Variants in CTNNA3 observed in about 807,000 individuals in gnomAD.
CTNNA3 encodes the protein catenin alpha-3.
Under a neutral mutation model 95.7 loss-of-function variants are expected in CTNNA3, and 76 were observed. The observed-to-expected ratio is 0.79, with a 90% CI of 0.66 to 0.96. The LOEUF (loss-of-function observed/expected upper bound fraction) is 0.96, where lower values mean the gene tolerates loss of function less well. Ranked by LOEUF, CTNNA3 falls within the 40% of genes least tolerant of loss-of-function variation. The probability of loss-of-function intolerance (pLI) is 0.00; values close to 1 mark genes in which losing one functional copy is unlikely to be tolerated. For synonymous variants in CTNNA3, 431 were observed against 374.4 expected (o/e 1.15, Z -1.74); for missense variants, 1,191 against 1,089.8 (o/e 1.09, Z -1.31).
At chr10:66,246,171 G>A (rs749297718) in intron 13 of CTNNA3, among the ~76,000 whole-genome samples, 13 of 152,220 alleles carry the variant, frequency 8.5e-5, no homozygotes, top group Non-Finnish European at 1.5e-4. Flanking sequence ...CAAGATCAGA[G>A]TGGGCACCAC....
chr10:67,183,892 C>T (rs1862706171), intron 6 of CTNNA3, among the ~76,000 whole-genome samples: 1 of 152,028 alleles, frequency 6.6e-6, no homozygotes, highest in African/African-American at 2.4e-5. Context: ...TCAACTATGT[C>T]AATGCAGTCT....
chr10:65,920,394 G>A lies in CTNNA3; in HGVS notation c.2624C>T (p.Ser875Leu). Residue 875 changes from serine to leucine, a missense_variant, in exon 18 of 18, where the codon TCA becomes TTA. Ser to Leu is a moderately radical substitution (Grantham distance 145, BLOSUM62 -2). Coordinates refer to ENST00000433211, the MANE Select transcript of CTNNA3 (RefSeq NM_013266.4). ...CAATGGATGGATTTTTTTCTTTGCTGAGCCTCGTCTGACAGCTGCACACGT... is the reference window on the plus strand; with the variant it reads ...CAATGGATGGATTTTTTTCTTTGCTAAGCCTCGTCTGACAGCTGCACACGT... ...EETCAAVRRGSAKKKIHPLQV... is the reference protein window; with the variant it reads ...EETCAAVRRGLAKKKIHPLQV... The A allele has an allele frequency of 6.2e-7, 1 of 1,614,038 alleles. No individual in the cohort carries two copies.
chr10:67,679,316 A>C (rs1840585841), intron 1 of CTNNA3, among the ~76,000 whole-genome samples: 1 of 152,170 alleles, frequency 6.6e-6, no homozygotes, highest in Non-Finnish European at 1.5e-5. Context: ...TGACAGCCAA[A>C]AATGTCTCCA....
At chr10:66,847,654 C>A (rs910732078) in intron 7 of CTNNA3, among the ~76,000 whole-genome samples, 1 of 151,946 alleles carries the variant, frequency 6.6e-6, no homozygotes, top group African/African-American at 2.4e-5. Context: ...GGTCTAATAA[C>A]AAATATATTT....
intron 12 of CTNNA3, among the ~76,000 whole-genome samples, chr10:66,295,709 C>G (rs981578527): frequency 2.0e-5 from 3 of 152,144 alleles, no homozygotes; most frequent in African/African-American, 7.2e-5. Context: ...CTGTCAACTA[C>G]AAAATAGGCT....
chr10:67,688,731 C>A (rs1372595678), intron 1 of CTNNA3, among the ~76,000 whole-genome samples: 1 of 152,076 alleles, frequency 6.6e-6, no homozygotes, highest in Non-Finnish European at 1.5e-5. Context: ...AAGACAAAAC[C>A]ACCCTTGGTC....
At chr10:67,456,001 A>C (rs1847159918) in intron 5 of CTNNA3, among the ~76,000 whole-genome samples, 1 of 152,202 alleles carries the variant, frequency 6.6e-6, no homozygotes, top group Admixed American at 6.5e-5. Flanking sequence ...AAAGGTATAC[A>C]AGAACTCCTC....
intron 2 of CTNNA3, among the ~76,000 whole-genome samples, chr10:67,630,267 T>A (rs558294023): frequency 1.2e-4 from 19 of 152,268 alleles, no homozygotes; most frequent in Admixed American, 1.2e-3. Context: ...ATACCCAACA[T>A]CCACTTTGAC....
intron 9 of CTNNA3, among the ~76,000 whole-genome samples, chr10:66,694,628 TA>T (rs890175725): frequency 1.4e-4 from 21 of 152,106 alleles, no homozygotes; most frequent in Admixed American, 7.2e-4. Context: ...TTCTAACTTT[TA>T]AAAATATGTA....
At chr10:66,196,872 C>A (rs1353891063) in intron 13 of CTNNA3, among the ~76,000 whole-genome samples, 1 of 152,150 alleles carries the variant, frequency 6.6e-6, no homozygotes, top group East Asian at 1.9e-4. Flanking sequence ...CACCAGCAAC[C>A]AGGATCCTCC....
At chr10:66,629,207 T>C (rs1242464518) in intron 9 of CTNNA3, among the ~76,000 whole-genome samples, 1 of 152,022 alleles carries the variant, frequency 6.6e-6, no homozygotes, top group African/African-American at 2.4e-5. Context: ...TAATCATTCC[T>C]AGAGTGTTCA....
At chr10:66,467,999 C>A (rs1180137591) in intron 11 of CTNNA3, among the ~76,000 whole-genome samples, 4 of 151,892 alleles carry the variant, frequency 2.6e-5, no homozygotes. Context: ...GTAACAGACC[C>A]TTAAATTTAT....
At chr10:66,772,273 A>G (rs1390448167) in intron 8 of CTNNA3, among the ~76,000 whole-genome samples, 1 of 151,988 alleles carries the variant, frequency 6.6e-6, no homozygotes, top group Non-Finnish European at 1.5e-5. Flanking sequence ...AAAATACAAA[A>G]AAGTAGCAGG....
At chr10:66,988,155 C>T (rs981621312) in intron 7 of CTNNA3, among the ~76,000 whole-genome samples, 1 of 152,086 alleles carries the variant, frequency 6.6e-6, no homozygotes, top group Admixed American at 6.6e-5. Context: ...TTGTAACTTG[C>T]TGGCATCATA....
chr10:67,281,254 G>T (rs1216067213), intron 5 of CTNNA3, among the ~76,000 whole-genome samples: 2 of 152,098 alleles, frequency 1.3e-5, no homozygotes, highest in Non-Finnish European at 2.9e-5. Context: ...CATTTTCAAA[G>T]TTATTTTCTA....
At chr10:67,591,018 A>G (rs766646754) in intron 3 of CTNNA3, among the ~76,000 whole-genome samples, 1 of 152,108 alleles carries the variant, frequency 6.6e-6, no homozygotes, top group Non-Finnish European at 1.5e-5. Context: ...AAGAGTATTT[A>G]AAATTGTTTT....
At chr10:66,436,769 C>T (rs2093341229) in intron 11 of CTNNA3, among the ~76,000 whole-genome samples, 1 of 151,970 alleles carries the variant, frequency 6.6e-6, no homozygotes, top group East Asian at 1.9e-4. Flanking sequence ...ATTGATGCAG[C>T]TTCTTCACAG....
chr10:66,367,850 TATAATAATA>T lies in CTNNA3; in HGVS notation c.1732+11293_1732+11301del, dbSNP rs201921395. On this transcript the variant is annotated intron_variant, in intron 12 of 17. Coordinates refer to ENST00000433211, the MANE Select transcript of CTNNA3 (RefSeq NM_013266.4). ...TTCTGCATCTTTTTAAGGCTTCTTTTATAATAATAATAATAATAATAATAATAATAATTA... is the reference window on the plus strand; with the variant it reads ...TTCTGCATCTTTTTAAGGCTTCTTTTATAATAATAATAATAATAATAATTA... Among the ~76,000 whole-genome samples the T allele has an allele frequency of 1.7e-3, 174 of 100,178 alleles. 1 individual carries two copies. Among genetic ancestry groups the T allele is most frequent in the Admixed American group, 4.2e-3 (40 of 9,520 alleles). The allele number at this position is 100,178 out of a possible 152,430, so 65.7% of individuals were successfully genotyped here. A position where few individuals can be genotyped will look rare whatever the true frequency, so the allele number is the denominator to read the frequency against.
intron 5 of CTNNA3, among the ~76,000 whole-genome samples, chr10:67,265,596 C>T (rs1866791025): frequency 6.6e-6 from 1 of 152,122 alleles, no homozygotes; most frequent in African/African-American, 2.4e-5. Flanking sequence ...CTCCCTCCTA[C>T]TCCCTGCACT....
Sources: allele counts gnomAD v4.1 joint callset (sites outside exome capture counted in the v4.1 genomes callset), GRCh38; gene constraint gnomAD v4.1.1; transcripts MANE v1.5; gene names NCBI Gene and HGNC (gene_info 2026-07-23, HGNC 2026-07-21).